CRABP2: variants seen among roughly 807,000 people sequenced by gnomAD.
The protein encoded by CRABP2 is cellular retinoic acid binding protein 2, also known as cellular retinoic acid-binding protein 2.
Under a neutral mutation model 17.9 loss-of-function variants are expected in CRABP2, and 20 were observed. The ratio of observed to expected loss-of-function variants is 1.12; its 90% CI spans 0.79 to 1.63. The LOEUF (loss-of-function observed/expected upper bound fraction) is 1.63. CRABP2 is among the 40% of genes most tolerant of loss of function. The pLI, the probability that CRABP2 is intolerant of heterozygous loss-of-function variation, is 0.00. For synonymous variants in CRABP2, 76 were observed against 66.4 expected, an observed-to-expected ratio of 1.14 and a Z score of -0.70; for missense variants, 151 against 168.6, an observed-to-expected ratio of 0.90 and a Z score of 0.58.
chr1:156,703,348 C>T (rs979662442), intron 1 of CRABP2, among the ~76,000 whole-genome samples: 5 of 152,148 alleles, frequency 3.3e-5, no homozygotes, highest in Non-Finnish European at 5.9e-5. Context: ...AGTTATTAAC[C>T]GAAGTGGGGG....
chr1:156,702,075 C>T (rs953818564), intron 1 of CRABP2, among the ~76,000 whole-genome samples: 3 of 151,846 alleles, frequency 2.0e-5, no homozygotes, highest in Admixed American at 1.3e-4. Flanking sequence ...TGCTTGAACC[C>T]GGGAGGCGGA....
chr1:156,705,439 T>G lies in CRABP2; in HGVS notation c.8A>C (p.Asn3Thr). 6.2e-7 allele frequency: 1 copy of G among 1,614,148 alleles called. No homozygotes were observed. The highest frequency in any genetic ancestry group is 8.5e-7 in the Non-Finnish European group (1 of 1,180,012). Reference protein sequence around the residue: MPNFSGNWKIIRS... With the variant: MPTFSGNWKIIRS... ...GATGATTTTCCAGTTGCCAGAGAAGTTGGGCATGGTGGCGGCGCGGGAGGC... is the reference window on the plus strand; with the variant it reads ...GATGATTTTCCAGTTGCCAGAGAAGGTGGGCATGGTGGCGGCGCGGGAGGC... The change falls in exon 1 of 4, where the codon AAC (asparagine) becomes ACC (threonine). Residue 3 changes from asparagine (N) to threonine (T), a missense_variant. By Grantham distance (65) the Asn-to-Thr change is moderately conservative. Transcript: ENST00000368222. This position sits in a 1 kb window ranked among gnomAD's most constrained non-coding sequence, Gnocchi z 5.2.
chr1:156,701,109 C>G (rs1648020002), intron 1 of CRABP2, 57 bp from the exon 2 acceptor site: 2 of 1,573,738 alleles, frequency 1.3e-6, no homozygotes, highest in South Asian at 1.2e-5. Flanking sequence ...CTCTCTCACA[C>G]CCTCCCCATA....
intron 1 of CRABP2, among the ~76,000 whole-genome samples, chr1:156,702,468 A>AAAAC (rs376178596): frequency 1.3e-5 from 2 of 149,968 alleles, no homozygotes; most frequent in Non-Finnish European, 3.0e-5. Flanking sequence ...AAAAAAACAA[A>AAAAC]AAACAAACAA....
rs1339670428 is a variant in CRABP2 at position 156,705,105 on chromosome 1, TC to T, written c.70+271del. On this transcript the variant is annotated intron_variant, in intron 1 of 3. Coordinates refer to ENST00000368222, the MANE Select transcript of CRABP2 (RefSeq NM_001878.4). The surrounding 1 kb of genome is among the most constrained non-coding windows in gnomAD (Gnocchi z 5.2). The stretch of plus-strand genomic sequence containing the variant: ...CCGGCCGCTGAGGCCAGCCTCCCCT[TC>T]CCCCAGAGGCCAACCTCGCGCTTCT... Among the ~76,000 whole-genome samples the T allele has an allele frequency of 1.3e-5, 2 of 152,102 alleles. No individual in the cohort carries two copies. Among genetic ancestry groups the T allele is most frequent in the African/African-American group, 4.8e-5 (2 of 41,416 alleles).
At chr1:156,700,206 G>T in intron 3 of CRABP2, 130 bp from the exon 4 acceptor site, 1 of 893,870 alleles carries the variant, frequency 1.1e-6, no homozygotes, top group Non-Finnish European at 1.8e-6. Context: ...AGACCAACAG[G>T]CAGGAGCTGG....
chr1:156,702,082 C>T (rs1420080909), intron 1 of CRABP2, among the ~76,000 whole-genome samples: 6 of 151,678 alleles, frequency 4.0e-5, no homozygotes, highest in Non-Finnish European at 5.9e-5. Flanking sequence ...ACCCGGGAGG[C>T]GGAGGTTGTA....
upstream of CRABP2, chr1:156,705,782 G>A (rs1648177786): frequency 3.6e-6 from 1 of 275,156 alleles, no homozygotes; most frequent in African/African-American, 2.2e-5. This position sits in a 1 kb window ranked among gnomAD's most constrained non-coding sequence, Gnocchi z 5.2. Context: ...CTAGTAAGTG[G>A]ATGGGGAAGC....
intron 1 of CRABP2, among the ~76,000 whole-genome samples, chr1:156,703,564 C>T (rs1375916086): frequency 6.6e-6 from 1 of 152,128 alleles, no homozygotes; most frequent in African/African-American, 2.4e-5. Flanking sequence ...TGGCCAACTC[C>T]CTGGACCTCC....
At position 156,699,947 on chromosome 1, in the gene CRABP2, G is replaced by T; in HGVS notation, c.*79C>A. ...GGGAGCGCTATCCTAGAAGGAGGGG[G>T]TGGGACGGAGGGGGCAGTGAAGCAG... On this transcript the variant is annotated 3_prime_UTR_variant, in exon 4 of 4. Coordinates refer to ENST00000368222, the MANE Select transcript of CRABP2 (RefSeq NM_001878.4). The T allele has an allele frequency of 6.9e-7, 1 of 1,450,970 alleles. No individual in the cohort carries two copies. The highest frequency in any genetic ancestry group is 1.2e-5 in the South Asian group (1 of 82,798). 89.9% of individuals were successfully genotyped at this position (1,450,970 alleles called of 1,614,324 possible). A position where few individuals can be genotyped will look rare whatever the true frequency, so the allele number is the denominator to read the frequency against.
chr1:156,704,836 G>A (rs1648146122), intron 1 of CRABP2, among the ~76,000 whole-genome samples: 1 of 152,024 alleles, frequency 6.6e-6, no homozygotes, highest in South Asian at 2.1e-4. Context: ...CAGAGGGGGA[G>A]GAAAGTGGGG....
rs114386049 is a variant in CRABP2, at chr1:156,699,934, C to A, written c.*92G>T. ...TGACTGGGGTAAGGGGAGCGCTATC[C>A]TAGAAGGAGGGGGTGGGACGGAGGG... On this transcript the variant is annotated 3_prime_UTR_variant, in exon 4 of 4. Transcript: ENST00000368222. 4 of 1,382,112 alleles carry A rather than the reference C, an allele frequency of 2.9e-6. No individual in the cohort carries two copies. The African/African-American group carries it at 4.3e-5, about 15-fold the overall frequency. 85.6% of individuals were successfully genotyped at this position (1,382,112 alleles called of 1,614,324 possible). A position where few individuals can be genotyped will look rare whatever the true frequency, so the allele number is the denominator to read the frequency against.
At position 156,699,926 on chromosome 1, in the gene CRABP2, G is replaced by C. The variant is rs113077173; in HGVS notation, c.*100C>G. The C allele has an allele frequency of 1.6e-6, 2 of 1,286,398 alleles. No individual in the cohort carries two copies. Among genetic ancestry groups the C allele is most frequent in the African/African-American group, 1.5e-5 (1 of 67,964 alleles). The allele number at this position is 1,286,398 out of a possible 1,614,324, so 79.7% of individuals were successfully genotyped here. A position where few individuals can be genotyped will look rare whatever the true frequency, so the allele number is the denominator to read the frequency against. On this transcript the variant is annotated 3_prime_UTR_variant, in exon 4 of 4. Coordinates refer to ENST00000368222, the MANE Select transcript of CRABP2 (RefSeq NM_001878.4). ...CCCAGAAGTGACTGGGGTAAGGGGA[G>C]CGCTATCCTAGAAGGAGGGGGTGGG...
chr1:156,702,428 G>A (rs1208832255), intron 1 of CRABP2, among the ~76,000 whole-genome samples: 2 of 151,820 alleles, frequency 1.3e-5, no homozygotes, highest in African/African-American at 4.8e-5. Context: ...CTGCATTCCA[G>A]CCTGGGCGAC....
At position 156,705,486 on chromosome 1, in the gene CRABP2, TG is replaced by T. The variant is rs775500633; in HGVS notation, c.-41del. Reference sequence around the variant, plus strand: ...AGGCGGTCCCCGTAGACTCCTAGGCTGGAGCACTGGACACTGTCTTTTAGTC... The same window carrying T: ...AGGCGGTCCCCGTAGACTCCTAGGCTGAGCACTGGACACTGTCTTTTAGTC... On this transcript the variant is annotated 5_prime_UTR_variant, in exon 1 of 4. Transcript: ENST00000368222. The surrounding 1 kb of genome is among the most constrained non-coding windows in gnomAD (Gnocchi z 5.2). 4 of 1,602,764 alleles carry T rather than the reference TG, an allele frequency of 2.5e-6. No individual in the cohort carries two copies. The East Asian group carries it at 8.9e-5, about 36-fold the overall frequency.
At chr1:156,703,391 C>T (rs568268555) in intron 1 of CRABP2, among the ~76,000 whole-genome samples, 8 of 152,190 alleles carry the variant, frequency 5.3e-5, no homozygotes, top group South Asian at 2.1e-4. Flanking sequence ...GAAAGGAAGA[C>T]GTGCAGAGCA....
At chr1:156,700,792 G>A in intron 2 of CRABP2, 82 bp downstream of exon 2, 1 of 1,539,500 alleles carries the variant, frequency 6.5e-7, no homozygotes, top group Non-Finnish European at 8.9e-7. Context: ...GAGAAGCTAG[G>A]AGTTAACTGC....
At chr1:156,701,169 G>A in intron 1 of CRABP2, 117 bp from the exon 2 acceptor site, 1 of 1,179,782 alleles carries the variant, frequency 8.5e-7, no homozygotes, top group Non-Finnish European at 1.2e-6. Context: ...GGGTGTGTTG[G>A]GGGGTGCATC....
At chr1:156,705,618 T>G (rs1334947305), upstream of CRABP2, 1 of 627,560 alleles carries the variant, frequency 1.6e-6, no homozygotes, top group Non-Finnish European at 2.7e-6. This position sits in a 1 kb window ranked among gnomAD's most constrained non-coding sequence, Gnocchi z 5.2. Flanking sequence ...TTTTATACCC[T>G]GTACGGAACC....
Sources: allele counts gnomAD v4.1 joint callset (sites outside exome capture counted in the v4.1 genomes callset), GRCh38; gene constraint gnomAD v4.1.1; non-coding constraint Gnocchi (gnomAD v3.1); transcripts MANE v1.5; gene names NCBI Gene and HGNC (gene_info 2026-07-23, HGNC 2026-07-21).